POLR2H: variants seen among roughly 807,000 people sequenced by gnomAD.
POLR2H encodes the protein DNA-directed RNA polymerases I, II, and III subunit RPABC3.
POLR2H carries 3 observed loss-of-function variants against 18.1 expected under a neutral mutation model. The ratio of observed to expected loss-of-function variants is 0.17; its 90% CI spans 0.08 to 0.43. POLR2H has a LOEUF of 0.43. Among genes scored for constraint, POLR2H ranks in the 20% least tolerant of loss-of-function variants. The pLI is 0.99. For missense variants in POLR2H, 103 were observed against 184.6 expected, an observed-to-expected ratio of 0.56 and a Z score of 2.56; for synonymous variants, 76 against 69.0, an observed-to-expected ratio of 1.10 and a Z score of -0.50.
In POLR2H at chr3:184,368,166, T is replaced by C. The variant is rs1713664107; in HGVS notation, c.336-11T>C. 2 of 1,613,964 alleles carry C rather than the reference T, an allele frequency of 1.2e-6. No homozygotes were observed. The highest frequency in any genetic ancestry group is 2.2e-5 in the South Asian group (2 of 91,082). On this transcript the variant is annotated splice_polypyrimidine_tract_variant and intron_variant, in intron 5 of 5. Coordinates refer to ENST00000456318, the MANE Select transcript of POLR2H (RefSeq NM_006232.5). ...TGCTCCAGAATCACGGGATGGGGCC[T>C]TCTGTTTCAGCTCTGCGTACGTGTC...
At chr3:184,368,087 A>G in intron 5 of POLR2H, 90 bp from the exon 6 acceptor site, 1 of 1,604,412 alleles carries the variant, frequency 6.2e-7, no homozygotes, top group Non-Finnish European at 8.5e-7. Context: ...ACACAACAGT[A>G]GGAAGATGCC....
intron 2 of POLR2H, among the ~76,000 whole-genome samples, chr3:184,364,188 C>T (rs1421004964): frequency 1.3e-5 from 2 of 152,132 alleles, no homozygotes; most frequent in Admixed American, 6.5e-5. Context: ...GAATCTTTAG[C>T]GCTTTGTGAA....
chr3:184,367,856 T>A (rs1258864584), intron 5 of POLR2H, among the ~76,000 whole-genome samples: 1 of 152,214 alleles, frequency 6.6e-6, no homozygotes, highest in Non-Finnish European at 1.5e-5. Flanking sequence ...ATGTCTTGAT[T>A]CATTTGAACA....
intron 2 of POLR2H, chr3:184,364,442 GGTC>G (rs1161179168): frequency 6.6e-6 from 1 of 152,576 alleles, no homozygotes; most frequent in Non-Finnish European, 1.5e-5. Flanking sequence ...TGGCCAGGCT[GGTC>G]TCAAACTCCT....
At position 184,362,651 on chromosome 3, in the gene POLR2H, C is replaced by G. The variant is rs1382343542; in HGVS notation, c.-620-222C>G. 6.8e-6 allele frequency: 1 copy of G among 148,100 alleles called. No homozygotes were observed. The highest frequency in any genetic ancestry group is 1.5e-5 in the Non-Finnish European group (1 of 68,396). 9.2% of individuals were successfully genotyped at this position (148,100 alleles called of 1,614,324 possible). A position where few individuals can be genotyped will look rare whatever the true frequency, so the allele number is the denominator to read the frequency against. On this transcript the variant is annotated intron_variant, in intron 1 of 5. Coordinates refer to ENST00000456318, the MANE Select transcript of POLR2H (RefSeq NM_006232.5). This position sits in a 1 kb window ranked among gnomAD's most constrained non-coding sequence, Gnocchi z 5.9. Reference sequence around the variant, plus strand: ...ATCCAAGGGACAGGGCAGTGCCAGGCTGAAGGGGCACGGAGGGGATCCGTG... The same window carrying G: ...ATCCAAGGGACAGGGCAGTGCCAGGGTGAAGGGGCACGGAGGGGATCCGTG...
chr3:184,364,100 C>T (rs1480291055), intron 2 of POLR2H, among the ~76,000 whole-genome samples: 1 of 152,244 alleles, frequency 6.6e-6, no homozygotes, highest in African/African-American at 2.4e-5. Flanking sequence ...CCATTTTTCT[C>T]TGAGAGGTTG....
chr3:184,363,403 C>G lies in POLR2H; in HGVS notation c.-90C>G, dbSNP rs1166257832. The G allele has an allele frequency of 9.1e-7, 1 of 1,104,760 alleles. No homozygotes were observed. The highest frequency in any genetic ancestry group is 1.5e-5 in the African/African-American group (1 of 65,494). The allele number at this position is 1,104,760 out of a possible 1,614,324, so 68.4% of individuals were successfully genotyped here. On this transcript the variant is annotated 5_prime_UTR_variant, in exon 2 of 6. Transcript: ENST00000456318. Reference sequence around the variant, plus strand: ...GCGCTTTCAGGAGGTGCTTTTGGTTCTCTCCGGTCTTGTCCACGCTAGGGG... The same window carrying G: ...GCGCTTTCAGGAGGTGCTTTTGGTTGTCTCCGGTCTTGTCCACGCTAGGGG...
chr3:184,368,090 A>T (rs1713644640), intron 5 of POLR2H, 87 bp from the exon 6 acceptor site: 1 of 1,607,980 alleles, frequency 6.2e-7, no homozygotes, highest in Non-Finnish European at 8.5e-7. Flanking sequence ...CAACAGTAGG[A>T]AGATGCCTCT....
Position 184,362,636 on chromosome 3 carries a change from C to G in POLR2H, c.-620-237C>G, listed in dbSNP as rs1313123944. The G allele has an allele frequency of 2.0e-5, 3 of 151,282 alleles. No homozygotes were observed. Among genetic ancestry groups the G allele is most frequent in the Admixed American group, 6.7e-5 (1 of 14,852 alleles). 9.4% of individuals were successfully genotyped at this position (151,282 alleles called of 1,614,324 possible). On this transcript the variant is annotated intron_variant, in intron 1 of 5. Transcript: ENST00000456318. This position sits in a 1 kb window ranked among gnomAD's most constrained non-coding sequence, Gnocchi z 5.9. ...GAGGGAAGAGCTGGTATCCAAGGGA[C>G]AGGGCAGTGCCAGGCTGAAGGGGCA...
Position 184,363,442 on chromosome 3 carries a change from C to A in POLR2H, c.-51C>A. On this transcript the variant is annotated 5_prime_UTR_variant, in exon 2 of 6. Transcript: ENST00000456318. ...CCACGCTAGGGGGTGCACGTACTCCCAACTGTGGTCGCGCTCTCACCCCTT... is the reference window on the plus strand; with the variant it reads ...CCACGCTAGGGGGTGCACGTACTCCAAACTGTGGTCGCGCTCTCACCCCTT... 1 of 1,484,414 alleles carries A rather than the reference C, an allele frequency of 6.7e-7. No individual in the cohort carries two copies. Among genetic ancestry groups the A allele is most frequent in the South Asian group, 1.1e-5 (1 of 87,796 alleles). The allele number at this position is 1,484,414 out of a possible 1,614,324, so 92.0% of individuals were successfully genotyped here.
chr3:184,363,725 TC>T (rs376644124), intron 2 of POLR2H, among the ~76,000 whole-genome samples, 160 bp downstream of exon 2: 7 of 152,176 alleles, frequency 4.6e-5, no homozygotes, highest in African/African-American at 1.7e-4. Context: ...AAACGGAGAC[TC>T]CCGAGCTCTC....
chr3:184,366,857 G>A, intron 5 of POLR2H, 57 bp downstream of exon 5: 1 of 1,042,844 alleles, frequency 9.6e-7, no homozygotes, highest in Non-Finnish European at 1.5e-6. Flanking sequence ...GAGACTTTGA[G>A]CTATGCTCCT....
chr3:184,362,227 G>C lies in POLR2H; in HGVS notation c.-621+81G>C, dbSNP rs948309200. 6.6e-6 allele frequency: 1 copy of C among 152,402 alleles called. No individual in the cohort carries two copies. The highest frequency in any genetic ancestry group is 1.5e-5 in the Non-Finnish European group (1 of 68,190). The allele number at this position is 152,402 out of a possible 1,614,324, so 9.4% of individuals were successfully genotyped here. A position where few individuals can be genotyped will look rare whatever the true frequency, so the allele number is the denominator to read the frequency against. On this transcript the variant is annotated intron_variant, in intron 1 of 5. Coordinates refer to ENST00000456318, the MANE Select transcript of POLR2H (RefSeq NM_006232.5). The surrounding 1 kb of genome is among the most constrained non-coding windows in gnomAD (Gnocchi z 5.9). ...AGGGCACCGGAAGGGGTAGGCCGGA[G>C]GGAAGGGAGCTCCAGGTGCCGGGAA...
At position 184,362,678 on chromosome 3, in the gene POLR2H, C is replaced by T. The variant is rs1032614216; in HGVS notation, c.-620-195C>T. 4 of 150,942 alleles carry T rather than the reference C, an allele frequency of 2.7e-5. No homozygotes were observed. The highest frequency in any genetic ancestry group is 4.4e-5 in the Non-Finnish European group (3 of 68,438). The allele number at this position is 150,942 out of a possible 1,614,324, so 9.4% of individuals were successfully genotyped here. A position where few individuals can be genotyped will look rare whatever the true frequency, so the allele number is the denominator to read the frequency against. ...GAAGGGGCACGGAGGGGATCCGTGT[C>T]CAGGAGAAGGCAGTGGAGGGGGAAC... On this transcript the variant is annotated intron_variant, in intron 1 of 5. Coordinates refer to ENST00000456318, the MANE Select transcript of POLR2H (RefSeq NM_006232.5). The surrounding 1 kb of genome is among the most constrained non-coding windows in gnomAD (Gnocchi z 5.9).
intron 4 of POLR2H, among the ~76,000 whole-genome samples, chr3:184,365,954 C>T (rs1238532820): frequency 3.7e-5 from 5 of 136,250 alleles, no homozygotes; most frequent in African/African-American, 8.4e-5. Context: ...CCAGCCTGGG[C>T]GACAGAGCGA....
intron 2 of POLR2H, among the ~76,000 whole-genome samples, chr3:184,363,879 C>A (rs1191162591): frequency 6.6e-5 from 10 of 152,156 alleles, no homozygotes; most frequent in Admixed American, 6.5e-4. Flanking sequence ...GGTGAAACCC[C>A]GTCTCTACCA....
chr3:184,363,212 C>G lies in POLR2H; in HGVS notation c.-281C>G, dbSNP rs1287616703. ...AACCCGCTCTACAGCCTATTGCTTC[C>G]CCGCCCTGGGCAGAGCCACCTGGAC... On this transcript the variant is annotated 5_prime_UTR_variant, in exon 2 of 6. Coordinates refer to ENST00000456318, the MANE Select transcript of POLR2H (RefSeq NM_006232.5). The G allele has an allele frequency of 9.9e-6, 5 of 504,192 alleles. No homozygotes were observed. Among genetic ancestry groups the G allele is most frequent in the Non-Finnish European group, 1.8e-5 (5 of 275,640 alleles). The allele number at this position is 504,192 out of a possible 1,614,324, so 31.2% of individuals were successfully genotyped here. A position where few individuals can be genotyped will look rare whatever the true frequency, so the allele number is the denominator to read the frequency against.
intron 2 of POLR2H, among the ~76,000 whole-genome samples, chr3:184,364,268 T>G (rs1229245758): frequency 3.3e-5 from 5 of 151,920 alleles, no homozygotes; most frequent in African/African-American, 7.3e-5. Context: ...CTTTCTCTGT[T>G]GCCCAGGCTG....
chr3:184,364,797 C>G (rs1283972965), intron 2 of POLR2H, 169 bp from the exon 3 acceptor site: 1 of 580,510 alleles, frequency 1.7e-6, no homozygotes, highest in East Asian at 2.8e-5. Flanking sequence ...TTTTTCTCCC[C>G]TTTTCCTTCT....
Sources: gnomAD v4.1 joint callset for allele counts (sites outside exome capture counted in the v4.1 genomes callset) on GRCh38, gnomAD v4.1.1 for gene constraint, Gnocchi (gnomAD v3.1) non-coding constraint, MANE v1.5 for transcripts, NCBI Gene and HGNC (gene_info 2026-07-23, HGNC 2026-07-21) for gene names.